Variants in RCOR1 observed in about 807,000 individuals in gnomAD.
The protein encoded by RCOR1 is REST corepressor 1.
Under a neutral mutation model 64.0 loss-of-function variants are expected in RCOR1, and 12 were observed. That is an observed-to-expected ratio of 0.19 (90% confidence interval 0.12 to 0.30). RCOR1 has a LOEUF of 0.30. Ranked by LOEUF, RCOR1 falls within the 10% of genes least tolerant of loss-of-function variation. RCOR1 has a pLI of 1.00. For missense variants in RCOR1, 502 were observed against 621.2 expected, an observed-to-expected ratio of 0.81 and a Z score of 2.04; for synonymous variants, 279 against 227.2, an observed-to-expected ratio of 1.23 and a Z score of -2.05.
intron 2 of RCOR1, among the ~76,000 whole-genome samples, chr14:102,618,438 C>T (rs1893806947): frequency 6.6e-6 from 1 of 151,738 alleles, no homozygotes; most frequent in South Asian, 2.1e-4. Flanking sequence ...AGAGTGAGAC[C>T]ATGTCTTCAG....
intron 2 of RCOR1, among the ~76,000 whole-genome samples, chr14:102,678,048 C>A (rs1348022913): frequency 6.7e-6 from 1 of 149,530 alleles, no homozygotes; most frequent in African/African-American, 2.5e-5. Context: ...AAAAAAAAAA[C>A]GAAAACCAGT....
At chr14:102,603,860 T>G (rs1439655932) in intron 2 of RCOR1, among the ~76,000 whole-genome samples, 1 of 152,082 alleles carries the variant, frequency 6.6e-6, no homozygotes, top group Non-Finnish European at 1.5e-5. Context: ...CTATAGGGTG[T>G]TGGTTTTTAT....
intron 2 of RCOR1, among the ~76,000 whole-genome samples, chr14:102,668,712 T>A (rs1049589178): frequency 2.6e-4 from 39 of 152,138 alleles, no homozygotes; most frequent in East Asian, 1.9e-4. Context: ...GATTTTTTTT[T>A]AAATGTTTCT....
chr14:102,681,900 C>T lies in RCOR1; in HGVS notation c.367C>T (p.Leu123=), dbSNP rs1204459505. Residue 123 remains leucine, a synonymous_variant, in exon 3 of 12, where the codon CTG becomes TTG. Coordinates refer to ENST00000262241, the MANE Select transcript of RCOR1 (RefSeq NM_015156.4). ...TCTTTTTTCTTTCTCCCAAGCCAAA[C>T]TGGCAAGACGCAGTCAAGAACGGGA... ...AVVPDFDPAK[L]ARRSQERDNL... is the part of the protein sequence containing the mutation. 6.2e-7 allele frequency: 1 copy of T among 1,612,552 alleles called. No individual in the cohort carries two copies. Among genetic ancestry groups the T allele is most frequent in the African/African-American group, 1.3e-5 (1 of 74,904 alleles).
chr14:102,632,602 C>T (rs1361023032), intron 2 of RCOR1, among the ~76,000 whole-genome samples: 5 of 148,880 alleles, frequency 3.4e-5, no homozygotes, highest in Admixed American at 1.4e-4. Context: ...CTGATTTTGA[C>T]TGCATGCTAT....
intron 2 of RCOR1, among the ~76,000 whole-genome samples, chr14:102,626,872 T>C (rs1363949078): frequency 6.6e-6 from 1 of 152,216 alleles, no homozygotes; most frequent in Non-Finnish European, 1.5e-5. Flanking sequence ...GCATTTGTTA[T>C]ACCTTGTGTA....
At chr14:102,609,295 G>A (rs142778493) in intron 2 of RCOR1, among the ~76,000 whole-genome samples, 3,564 of 151,902 alleles carry the variant, frequency 0.023, 133 homozygotes, top group African/African-American at 0.076. Context: ...CGCCTGCCTC[G>A]GCCTCTCAAA....
chr14:102,618,465 C>T (rs918795813), intron 2 of RCOR1, among the ~76,000 whole-genome samples: 7 of 151,894 alleles, frequency 4.6e-5, no homozygotes, highest in Admixed American at 4.6e-4. Context: ...AAAAAAAGCG[C>T]TGGGCATGGG....
chr14:102,704,020 C>T (rs994279887), intron 4 of RCOR1, among the ~76,000 whole-genome samples: 14 of 152,232 alleles, frequency 9.2e-5, no homozygotes, highest in African/African-American at 3.4e-4. Flanking sequence ...CACCCACTCC[C>T]TTCATATAAT....
At chr14:102,641,762 G>A (rs1894374937) in intron 2 of RCOR1, among the ~76,000 whole-genome samples, 1 of 152,178 alleles carries the variant, frequency 6.6e-6, no homozygotes, top group Non-Finnish European at 1.5e-5. Flanking sequence ...CCACTAACAT[G>A]TATGCTTCAA....
At chr14:102,627,872 C>A (rs1390845555) in intron 2 of RCOR1, among the ~76,000 whole-genome samples, 2 of 151,862 alleles carry the variant, frequency 1.3e-5, no homozygotes, top group African/African-American at 2.4e-5. Context: ...AAATATCTAA[C>A]CCAAGAGACA....
At chr14:102,696,808 C>CTTTTTTTTTTT (rs71305075) in intron 3 of RCOR1, among the ~76,000 whole-genome samples, 4 of 57,386 alleles carry the variant, frequency 7.0e-5, no homozygotes, top group East Asian at 4.4e-4. Flanking sequence ...ATCTGCTTAT[C>CTTTTTTTTTTT]TTTTTTTTTT....
intron 1 of RCOR1, 29 bp from the exon 2 acceptor site, chr14:102,593,237 C>T (rs752925031): frequency 1.1e-5 from 16 of 1,493,832 alleles, no homozygotes; most frequent in Middle Eastern, 2.2e-4. Flanking sequence ...CCGCGCCGCG[C>T]TGACCGCCGT....
chr14:102,697,421 G>A (rs1895671396), intron 3 of RCOR1, among the ~76,000 whole-genome samples: 1 of 152,156 alleles, frequency 6.6e-6, no homozygotes, highest in Non-Finnish European at 1.5e-5. Flanking sequence ...TTGTGGGACA[G>A]GAAACCTCAT....
Position 102,640,996 on chromosome 14 carries a change from G to C in RCOR1, c.362-40899G>C, listed in dbSNP as rs557946917. Among the ~76,000 whole-genome samples the C allele has an allele frequency of 3.3e-5, 5 of 152,312 alleles. No individual in the cohort carries two copies. The East Asian group carries it at 9.6e-4, about 29-fold the overall frequency. On this transcript the variant is annotated intron_variant, in intron 2 of 11. Transcript: ENST00000262241. The stretch of plus-strand genomic sequence containing the variant: ...AGGCTGGGTGTGGTGGCTCACGCCT[G>C]TAATCCCAGCACTTTGGGAGGCTGA...
chr14:102,713,323 A>G (rs368760378), intron 7 of RCOR1, among the ~76,000 whole-genome samples: 3 of 147,464 alleles, frequency 2.0e-5, no homozygotes, highest in African/African-American at 5.1e-5. Context: ...CAGTGGTGCA[A>G]TCTCGGCTCA....
At chr14:102,724,776 A>G (rs1896229236) in intron 11 of RCOR1, among the ~76,000 whole-genome samples, 1 of 152,160 alleles carries the variant, frequency 6.6e-6, no homozygotes, top group South Asian at 2.1e-4. Context: ...GCCTAAGGGA[A>G]CTTGTTAGAA....
chr14:102,712,947 G>GTT (rs67246962), intron 7 of RCOR1, among the ~76,000 whole-genome samples: 2,256 of 77,806 alleles, frequency 0.029, 52 homozygotes, highest in East Asian at 0.035. Flanking sequence ...CTAAATCATT[G>GTT]TTTTTTTTTT....
chr14:102,669,151 A>T (rs528781915), intron 2 of RCOR1, among the ~76,000 whole-genome samples: 2 of 152,228 alleles, frequency 1.3e-5, no homozygotes, highest in East Asian at 3.9e-4. Flanking sequence ...CTCTACTAAA[A>T]ATACAAAATT....
Sources: gnomAD v4.1 joint callset for allele counts (sites outside exome capture counted in the v4.1 genomes callset) on GRCh38, gnomAD v4.1.1 for gene constraint, MANE v1.5 for transcripts, NCBI Gene and HGNC (gene_info 2026-07-23, HGNC 2026-07-21) for gene names.